ACR: variants seen among roughly 807,000 people sequenced by gnomAD.
ACR encodes the protein acrosin, also known as acrosin light and heavy chain prepropeptide.
In ACR, 17 loss-of-function variants were observed where a neutral mutation model predicts 26.0. That is an observed-to-expected ratio of 0.65 (90% CI 0.45 to 0.98). The LOEUF (loss-of-function observed/expected upper bound fraction) is 0.98, where lower values mean the gene tolerates loss of function less well. ACR is among the 50% of genes least tolerant of loss of function. The pLI, the probability that ACR is intolerant of heterozygous loss-of-function variation, is 0.00. For synonymous variants in ACR, 199 were observed against 207.7 expected (o/e 0.96, Z 0.36); for missense variants, 435 against 519.3 (o/e 0.84, Z 1.58).
At chr22:50,740,096 A>G in intron 3 of ACR, 119 bp downstream of exon 3, 1 of 1,303,634 alleles carries the variant, frequency 7.7e-7, no homozygotes, top group Non-Finnish European at 1.1e-6. Flanking sequence ...TCACGGCGCT[A>G]CACGTAGAGC....
chr22:50,740,150 T>C, intron 3 of ACR, 173 bp downstream of exon 3: 1 of 835,762 alleles, frequency 1.2e-6, no homozygotes. Flanking sequence ...GGTCACGTGA[T>C]GGGTGACTCG....
rs1189636592 is a variant in ACR at position 50,739,409 on chromosome 22, A to G, written c.216A>G (p.Thr72=). ...CGTACAACAGCCACAGGTACCACAC[A>G]TGTGGAGGCAGCTTGCTGAATTCAC... ...IFTYNSHRYH[T]CGGSLLNSRW... The change falls in exon 2 of 5, where the codon ACA becomes ACG. Residue 72 remains threonine (T), a synonymous_variant. Transcript: ENST00000216139. This position sits in a 1 kb window ranked among gnomAD's most constrained non-coding sequence, Gnocchi z 5.5. 6.2e-6 allele frequency: 10 copies of G among 1,614,224 alleles called. No individual in the cohort carries two copies. The highest frequency in any genetic ancestry group is 8.5e-6 in the Non-Finnish European group (10 of 1,180,030).
chr22:50,740,167 T>C (rs746535553), intron 3 of ACR, 190 bp downstream of exon 3: 6 of 760,382 alleles, frequency 7.9e-6, no homozygotes, highest in Non-Finnish European at 1.1e-5. Flanking sequence ...CTCGTCTGGC[T>C]GTCTACGGGG....
At position 50,739,132 on chromosome 22, in the gene ACR, G is replaced by A; in HGVS notation, c.78-139G>A. 5 of 729,028 alleles carry A rather than the reference G, an allele frequency of 6.9e-6. No individual in the cohort carries two copies. The highest frequency in any genetic ancestry group is 1.1e-5 in the Non-Finnish European group (5 of 434,792). 45.2% of individuals were successfully genotyped at this position (729,028 alleles called of 1,614,324 possible). A position where few individuals can be genotyped will look rare whatever the true frequency, so the allele number is the denominator to read the frequency against. ...AGCCTGCGGCTTCCTACATAGCGCA[G>A]GCTGCCCCTGCTTTCCCAGAACCCG... On this transcript the variant is annotated intron_variant, in intron 1 of 4. Transcript: ENST00000216139. The surrounding 1 kb of genome is among the most constrained non-coding windows in gnomAD (Gnocchi z 5.5).
chr22:50,739,904 C>A lies in ACR; in HGVS notation c.492C>A (p.Pro164=). 6.2e-7 allele frequency: 1 copy of A among 1,613,820 alleles called. No homozygotes were observed. The highest frequency in any genetic ancestry group is 1.3e-5 in the African/African-American group (1 of 75,012). The part of the protein sequence containing the change: ...CGRFIGPGCL[P]HFKAGLPRGS... ...GCTTCATTGGGCCGGGCTGCCTGCC[C>A]CACTTTAAGGCAGGCCTCCCCAGAG... Residue 164 remains proline, a synonymous_variant, in exon 3 of 5, where the codon CCC becomes CCA. Transcript: ENST00000216139. The surrounding 1 kb of genome is among the most constrained non-coding windows in gnomAD (Gnocchi z 5.5).
chr22:50,739,853 G>A lies in ACR; in HGVS notation c.441G>A (p.Glu147=). The change falls in exon 3 of 5, where the codon GAG becomes GAA. Residue 147 remains glutamate, a synonymous_variant. Coordinates refer to ENST00000216139, the MANE Select transcript of ACR (RefSeq NM_001097.3). This position sits in a 1 kb window ranked among gnomAD's most constrained non-coding sequence, Gnocchi z 5.5. ...AGGGAAATGACATTGCCCTCGTGGAGATCACCCCTCCCATTTCGTGTGGGC... is the reference window on the plus strand; with the variant it reads ...AGGGAAATGACATTGCCCTCGTGGAAATCACCCCTCCCATTTCGTGTGGGC... ...ATEGNDIALV[E]ITPPISCGRF... 1 of 1,612,088 alleles carries A rather than the reference G, an allele frequency of 6.2e-7. No homozygotes were observed. Among genetic ancestry groups the A allele is most frequent in the Non-Finnish European group, 8.5e-7 (1 of 1,178,830 alleles).
At position 50,739,968 on chromosome 22, in the gene ACR, GA is replaced by G. The variant is rs1313728333; in HGVS notation, c.558del (p.Glu187ArgfsTer10). 6.2e-6 allele frequency: 10 copies of G among 1,613,612 alleles called. 1 individual carries two copies. The South Asian group carries it at 8.8e-5, about 14-fold the overall frequency. ...CTGGGTGGCCGGCTGGGGATATATA[GA>G]AGAGAAAGGTGAGTATGGGAGCGCC... ...SCWVAGWGYI[E>X]EKAPRPSSIL... On this transcript the variant is annotated frameshift_variant, in exon 3 of 5. Coordinates refer to ENST00000216139, the MANE Select transcript of ACR (RefSeq NM_001097.3). LOFTEE classifies it high-confidence loss of function. The surrounding 1 kb of genome is among the most constrained non-coding windows in gnomAD (Gnocchi z 5.5).
chr22:50,742,178 T>C (rs2083427214), intron 3 of ACR, among the ~76,000 whole-genome samples: 1 of 151,972 alleles, frequency 6.6e-6, no homozygotes. Flanking sequence ...AAAACCCTTT[T>C]CTGTTTGAGG....
At position 50,739,263 on chromosome 22, in the gene ACR, C is replaced by G. The variant is rs2083412742; in HGVS notation, c.78-8C>G. On this transcript the variant is annotated splice_polypyrimidine_tract_variant and splice_region_variant and intron_variant, in intron 1 of 4. Transcript: ENST00000216139. The surrounding 1 kb of genome is among the most constrained non-coding windows in gnomAD (Gnocchi z 5.5). ...CCAGGTTTGAACTGTGCTCTGGTCTCTCCCCAGTGGCCCCTGTGGGTTACG... is the reference window on the plus strand; with the variant it reads ...CCAGGTTTGAACTGTGCTCTGGTCTGTCCCCAGTGGCCCCTGTGGGTTACG... 6.4e-7 allele frequency: 1 copy of G among 1,560,924 alleles called. No homozygotes were observed. The highest frequency in any genetic ancestry group is 8.7e-7 in the Non-Finnish European group (1 of 1,152,274).
chr22:50,743,758 G>T (rs1187401837), intron 3 of ACR, among the ~76,000 whole-genome samples: 1 of 152,158 alleles, frequency 6.6e-6, no homozygotes, highest in Non-Finnish European at 1.5e-5. Context: ...TGGTAATACT[G>T]CAACTAACCT....
At chr22:50,744,412 T>C in intron 4 of ACR, 1 of 640,364 alleles carries the variant, frequency 1.6e-6, no homozygotes, top group South Asian at 2.0e-5. Flanking sequence ...GCCCCTGCCA[T>C]GTGCCCCTGT....
intron 3 of ACR, 26 bp downstream of exon 3, chr22:50,740,003 G>T: frequency 6.2e-7 from 1 of 1,612,278 alleles, no homozygotes. Flanking sequence ...CCTCCAAGGG[G>T]GGACGCTGCT....
In ACR at chr22:50,739,403, C is replaced by T. The variant is rs1260080201; in HGVS notation, c.210C>T (p.Tyr70=). 6.2e-7 allele frequency: 1 copy of T among 1,614,194 alleles called. No individual in the cohort carries two copies. The highest frequency in any genetic ancestry group is 8.5e-7 in the Non-Finnish European group (1 of 1,180,022). Residue 70 remains tyrosine (Y), a synonymous_variant, in exon 2 of 5, where the codon TAC becomes TAT. Coordinates refer to ENST00000216139, the MANE Select transcript of ACR (RefSeq NM_001097.3). This position sits in a 1 kb window ranked among gnomAD's most constrained non-coding sequence, Gnocchi z 5.5. ...TCTTCACGTACAACAGCCACAGGTA[C>T]CACACATGTGGAGGCAGCTTGCTGA... ...LQIFTYNSHR[Y]HTCGGSLLNS... is the part of the protein sequence containing the mutation.
chr22:50,743,558 T>C (rs6010073), intron 3 of ACR: 32,140 of 157,818 alleles, frequency 0.2, 4,477 homozygotes, highest in African/African-American at 0.41. Context: ...GGGAGTGGCT[T>C]ACAGCCAGAC....
chr22:50,742,992 T>C (rs945769669), intron 3 of ACR, among the ~76,000 whole-genome samples: 3 of 152,130 alleles, frequency 2.0e-5, no homozygotes, highest in Non-Finnish European at 4.4e-5. Context: ...CGCCGTAGCA[T>C]CGGGTCTTTC....
Position 50,744,143 on chromosome 22 carries a change from T to A in ACR, c.648T>A (p.Asn216Lys). The change falls in exon 4 of 5, where the codon AAT becomes AAA. Residue 216 changes from asparagine (N) to lysine (K), a missense_variant. Asn to Lys is a moderately conservative substitution (Grantham distance 94). Around this residue, in one of 3 missense-constraint regions of ACR, gnomAD observed 314 missense variants for 372.0 expected, o/e 0.84. Transcript: ENST00000216139. The part of the protein sequence containing the change: ...LDLCNSTQWY[N>K]GRVQPTNVCA... The stretch of plus-strand genomic sequence containing the variant: ...TGTGTAACTCGACCCAGTGGTACAA[T>A]GGGCGCGTTCAGCCAACCAATGTGT... The A allele has an allele frequency of 6.2e-7, 1 of 1,613,890 alleles. No homozygotes were observed. The highest frequency in any genetic ancestry group is 8.5e-7 in the Non-Finnish European group (1 of 1,179,846).
At chr22:50,741,239 G>A (rs138777072) in intron 3 of ACR, among the ~76,000 whole-genome samples, 1,702 of 152,270 alleles carry the variant, frequency 0.011, 40 homozygotes, top group African/African-American at 0.04. Context: ...TGACAGGTTT[G>A]TCACCTCTCC....
chr22:50,739,175 T>TTCCCAACCCCATG lies in ACR; in HGVS notation c.78-91_78-79dup. 8.4e-7 allele frequency: 1 copy of TTCCCAACCCCATG among 1,187,578 alleles called. No homozygotes were observed. Among genetic ancestry groups the TTCCCAACCCCATG allele is most frequent in the Non-Finnish European group, 1.2e-6 (1 of 832,750 alleles). 73.6% of individuals were successfully genotyped at this position (1,187,578 alleles called of 1,614,324 possible). A position where few individuals can be genotyped will look rare whatever the true frequency, so the allele number is the denominator to read the frequency against. On this transcript the variant is annotated intron_variant, in intron 1 of 4. Coordinates refer to ENST00000216139, the MANE Select transcript of ACR (RefSeq NM_001097.3). This position sits in a 1 kb window ranked among gnomAD's most constrained non-coding sequence, Gnocchi z 5.5. ...AGAACCCGGAAGCTCTTCCCCACTT[T>TTCCCAACCCCATG]TCCCAACCCCATGTCCCTGCCTCCC...
At chr22:50,740,328 A>G (rs141844965) in intron 3 of ACR, 1 of 568,038 alleles carries the variant, frequency 1.8e-6, no homozygotes, top group Non-Finnish European at 3.2e-6. Flanking sequence ...AGATAAGGTT[A>G]TGTGGCCGTA....
Sources: allele counts gnomAD v4.1 joint callset (sites outside exome capture counted in the v4.1 genomes callset), GRCh38; gene constraint gnomAD v4.1.1; regional missense constraint gnomAD v4.1.1; non-coding constraint Gnocchi (gnomAD v3.1); transcripts MANE v1.5; gene names NCBI Gene and HGNC (gene_info 2026-07-23, HGNC 2026-07-21).